Variants in ZFP2 observed in about 807,000 individuals in gnomAD.
ZFP2 encodes ZFP2 zinc finger protein, also known as zinc finger protein ZFP2.
In ZFP2, 33 loss-of-function variants were observed where a neutral mutation model predicts 36.1. That is an observed-to-expected ratio of 0.92 (90% CI 0.69 to 1.22). ZFP2 has a LOEUF of 1.22. Among genes scored for constraint, ZFP2 ranks in the 50% most tolerant of loss-of-function variants. The pLI is 0.00. For missense variants in ZFP2, 522 were observed against 551.4 expected (o/e 0.95, Z 0.53); for synonymous variants, 170 against 178.0 (o/e 0.96, Z 0.36).
chr5:178,930,709 G>A (rs943396805), intron 4 of ZFP2, among the ~76,000 whole-genome samples: 12 of 152,098 alleles, frequency 7.9e-5, no homozygotes, highest in African/African-American at 1.7e-4. Context: ...TAAGAGCCAC[G>A]GTTTGAATCC....
intron 1 of ZFP2, among the ~76,000 whole-genome samples, chr5:178,910,807 T>C (rs1047062483): frequency 1.3e-4 from 19 of 151,960 alleles, no homozygotes; most frequent in African/African-American, 4.6e-4. Context: ...GTTTCCAGGC[T>C]CCCTACCCCT....
intron 3 of ZFP2, among the ~76,000 whole-genome samples, chr5:178,914,862 A>G (rs1002052487): frequency 2.0e-5 from 3 of 152,178 alleles, no homozygotes; most frequent in African/African-American, 4.8e-5. Flanking sequence ...CATTGAGGAC[A>G]TAGGGAACAG....
chr5:178,902,860 T>A (rs1463223475), intron 1 of ZFP2, among the ~76,000 whole-genome samples: 3 of 152,262 alleles, frequency 2.0e-5, no homozygotes, highest in Non-Finnish European at 4.4e-5. Context: ...AGTCTGCACC[T>A]GTTCTATTTT....
chr5:178,897,996 CT>C (rs534531811), intron 1 of ZFP2, among the ~76,000 whole-genome samples: 4 of 151,104 alleles, frequency 2.6e-5, no homozygotes, highest in Non-Finnish European at 4.4e-5. Context: ...TAGTGAACTT[CT>C]TTTTTTTTAT....
intron 1 of ZFP2, among the ~76,000 whole-genome samples, 152 bp downstream of exon 1, chr5:178,896,126 G>A (rs1376482363): frequency 6.6e-6 from 1 of 152,216 alleles, no homozygotes; most frequent in Non-Finnish European, 1.5e-5. Flanking sequence ...GCCTCACTGC[G>A]CCTGTGGAGC....
chr5:178,898,956 CACATCTGCATGGTAT>C (rs11272250), intron 1 of ZFP2, among the ~76,000 whole-genome samples: 2,381 of 152,224 alleles, frequency 0.016, 62 homozygotes, highest in African/African-American at 0.052. Flanking sequence ...TAAAAGAGGG[CACATCTGCATGGTAT>C]ACAGTCATAA....
At chr5:178,907,975 A>C (rs1758199897) in intron 1 of ZFP2, among the ~76,000 whole-genome samples, 1 of 152,236 alleles carries the variant, frequency 6.6e-6, no homozygotes. Context: ...AGGTCAAAGA[A>C]GGAATGAGCA....
rs1416717698 is a variant in ZFP2 at position 178,931,985 on chromosome 5, C to G, written c.672C>G (p.Thr224=). ...YKCNECGKAF[T]QSMNLTVHQR... is the part of the protein sequence containing the mutation. The stretch of plus-strand genomic sequence containing the variant: ...GTAATGAATGTGGTAAAGCTTTTAC[C>G]CAAAGCATGAATTTGACAGTTCATC... Residue 224 remains threonine, a synonymous_variant, in exon 5 of 5, where the codon ACC becomes ACG. Transcript: ENST00000361362. 6.2e-7 allele frequency: 1 copy of G among 1,613,494 alleles called. No homozygotes were observed. Among genetic ancestry groups the G allele is most frequent in the South Asian group, 1.1e-5 (1 of 90,982 alleles).
intron 1 of ZFP2, among the ~76,000 whole-genome samples, chr5:178,896,646 C>G (rs1466851799): frequency 6.6e-6 from 1 of 152,166 alleles, no homozygotes; most frequent in Non-Finnish European, 1.5e-5. Flanking sequence ...TGTAGCACAA[C>G]TGGAAAATTG....
In ZFP2 at chr5:178,923,888, C is replaced by T. The variant is rs1224748377; in HGVS notation, c.-78+7178C>T. On this transcript the variant is annotated intron_variant, in intron 4 of 4. Coordinates refer to ENST00000361362, the MANE Select transcript of ZFP2 (RefSeq NM_030613.4). ...TGAACTTAAAATGATTAATATTTTC[C>T]AGAATAGCAAATACTTTGTTCTTTT... 5.4e-5 allele frequency among the ~76,000 whole-genome samples: 8 copies of T among 148,930 alleles called. 1 individual carries two copies. The highest frequency in any genetic ancestry group is 9.0e-5 in the Non-Finnish European group (6 of 66,456).
chr5:178,930,754 TTG>T (rs1289124420), intron 4 of ZFP2, among the ~76,000 whole-genome samples: 1 of 152,150 alleles, frequency 6.6e-6, no homozygotes, highest in Non-Finnish European at 1.5e-5. Flanking sequence ...AATCTTTACA[TTG>T]TGTCACACTG....
intron 1 of ZFP2, among the ~76,000 whole-genome samples, chr5:178,905,594 A>G (rs1758151067): frequency 6.6e-6 from 1 of 152,204 alleles, no homozygotes; most frequent in Non-Finnish European, 1.5e-5. Flanking sequence ...AGATAAACCC[A>G]TGAAGCTCCT....
In ZFP2 at chr5:178,925,150, C is replaced by T. The variant is rs71611474; in HGVS notation, c.-77-6087C>T. Among the ~76,000 whole-genome samples, 291 of 81,830 alleles carry T rather than the reference C, an allele frequency of 3.6e-3. 6 individuals carry two copies. The highest frequency in any genetic ancestry group is 0.028 in the East Asian group (90 of 3,214). The allele number at this position is 81,830 out of a possible 152,430, so 53.7% of individuals were successfully genotyped here. Reference sequence around the variant, plus strand: ...ATACACACACACACACACACACACACATATATATACACATATATACATATA... The same window carrying T: ...ATACACACACACACACACACACACATATATATATACACATATATACATATA... On this transcript the variant is annotated intron_variant, in intron 4 of 4. Transcript: ENST00000361362.
intron 1 of ZFP2, among the ~76,000 whole-genome samples, chr5:178,907,624 A>AAATG (rs1758194336): frequency 6.6e-6 from 1 of 151,246 alleles, no homozygotes. Context: ...TCAAAGAGAT[A>AAATG]AATAAATAAA....
At chr5:178,911,019 TCTC>T (rs947260341) in intron 1 of ZFP2, among the ~76,000 whole-genome samples, 10 of 152,208 alleles carry the variant, frequency 6.6e-5, no homozygotes, top group African/African-American at 2.4e-4. Context: ...TTTCCTTTAT[TCTC>T]CTTTCTTTAC....
intron 4 of ZFP2, among the ~76,000 whole-genome samples, chr5:178,923,714 T>G (rs2113112065): frequency 6.7e-6 from 1 of 148,670 alleles, no homozygotes; most frequent in Non-Finnish European, 1.5e-5. Context: ...TGAGAAAATC[T>G]CTTCTGCCAG....
In ZFP2 at chr5:178,903,244, G is replaced by A. The variant is rs142975361; in HGVS notation, c.-450+7270G>A. Among the ~76,000 whole-genome samples the A allele has an allele frequency of 8.0e-3, 1,220 of 152,222 alleles. 16 individuals carry two copies. The highest frequency in any genetic ancestry group is 0.027 in the African/African-American group (1,108 of 41,514). On this transcript the variant is annotated intron_variant, in intron 1 of 4. Transcript: ENST00000361362. ...TGTTTTCCTTTTTTCATCTTTCTCC[G>A]TAGTTTCATCTTTCCCATATTGGCC...
At position 178,932,212 on chromosome 5, in the gene ZFP2, G is replaced by T. The variant is rs1000229326; in HGVS notation, c.899G>T (p.Cys300Phe). ...CACACTGGAGAAAAACCTTACAAAT[G>T]TAACAAATGCGGGAAATCCTTTAGC... ...RNHTGEKPYK[C>F]NKCGKSFSQS... The change falls in exon 5 of 5, where the codon TGT becomes TTT. Residue 300 changes from cysteine (C) to phenylalanine (F), a missense_variant. By Grantham distance (205) the Cys-to-Phe change is radical (BLOSUM62 -2). Transcript: ENST00000361362. The T allele has an allele frequency of 3.7e-6, 6 of 1,614,122 alleles. No individual in the cohort carries two copies. Among genetic ancestry groups the T allele is most frequent in the Non-Finnish European group, 4.2e-6 (5 of 1,180,012 alleles).
rs560443594 is a variant in ZFP2 at position 178,923,688 on chromosome 5, C to T, written c.-78+6978C>T. ...TTGCAGGCATGGCCCCATTGTCTTT[C>T]GGCATCCTGTGTTCCTGAGAAAATC... On this transcript the variant is annotated intron_variant, in intron 4 of 4. Transcript: ENST00000361362. Among the ~76,000 whole-genome samples the T allele has an allele frequency of 1.1e-4, 17 of 148,774 alleles. No homozygotes were observed. In the East Asian group the frequency reaches 2.7e-3, roughly 24 times the overall value.
Sources: gnomAD v4.1 joint callset for allele counts (sites outside exome capture counted in the v4.1 genomes callset) on GRCh38, gnomAD v4.1.1 for gene constraint, MANE v1.5 for transcripts, NCBI Gene and HGNC (gene_info 2026-07-23, HGNC 2026-07-21) for gene names.